HEG1: variants seen among roughly 807,000 people sequenced by gnomAD.
HEG1 encodes heart development protein with EGF like domains 1.
Under a neutral mutation model 125.6 loss-of-function variants are expected in HEG1, and 56 were observed. The ratio of observed to expected loss-of-function variants is 0.45; its 90% confidence interval spans 0.36 to 0.56. The LOEUF is 0.56. HEG1 is among the 20% of genes least tolerant of loss of function. HEG1 has a pLI of 0.00. For missense variants in HEG1, 1,523 were observed against 1,670.0 expected (o/e 0.91, Z 1.53); for synonymous variants, 644 against 668.5 (o/e 0.96, Z 0.57).
At position 125,013,751 on chromosome 3, in the gene HEG1, T is replaced by C. The variant is rs2107701032; in HGVS notation, c.1828A>G (p.Asn610Asp). The change falls in exon 6 of 17, where the codon AAC (asparagine) becomes GAC (aspartate). Residue 610 changes from asparagine (N) to aspartate (D), a missense_variant. Physicochemically the swap from Asn to Asp is conservative, Grantham distance 23. Transcript: ENST00000311127. ...TATTCCCCGTCATAGGATGAGATGT[T>C]ACTTCTCTCAGTCTGAGCATGAAAA... Reference protein sequence around the residue: ...SFFHAQTERSNISSYDGEYAQ... With the variant: ...SFFHAQTERSDISSYDGEYAQ... 2 of 1,613,960 alleles carry C rather than the reference T, an allele frequency of 1.2e-6. No individual in the cohort carries two copies. Among genetic ancestry groups the C allele is most frequent in the South Asian group, 2.2e-5 (2 of 91,078 alleles).
chr3:125,026,792 G>A (rs1053436947), intron 3 of HEG1, among the ~76,000 whole-genome samples: 1 of 152,054 alleles, frequency 6.6e-6, no homozygotes, highest in African/African-American at 2.4e-5. Context: ...CTGAGGTCAG[G>A]AGTTCAAGAC....
Position 125,002,312 on chromosome 3 carries a change from T to A in HEG1, c.3301A>T (p.Asn1101Tyr), listed in dbSNP as rs370824184. The change falls in exon 10 of 17, where the codon AAT becomes TAT. Residue 1101 changes from asparagine (N) to tyrosine (Y), a missense_variant. Physicochemically the swap from Asn to Tyr is moderately radical, Grantham distance 143. Coordinates refer to ENST00000311127, the MANE Select transcript of HEG1 (RefSeq NM_020733.2). Reference protein sequence around the residue: ...EVENEITKTLNMCFSALPSYI... With the variant: ...EVENEITKTLYMCFSALPSYI... ...CTAGGTAACGCTGAAAAACACATAT[T>A]TAACTGAAAGGAAGAACAAGCCTGT... The A allele has an allele frequency of 3.3e-5, 53 of 1,613,286 alleles. No homozygotes were observed. Among genetic ancestry groups the A allele is most frequent in the Non-Finnish European group, 4.3e-5 (51 of 1,179,562 alleles).
intron 2 of HEG1, among the ~76,000 whole-genome samples, chr3:125,028,719 T>C (rs1937453131): frequency 6.6e-6 from 1 of 152,188 alleles, no homozygotes; most frequent in African/African-American, 2.4e-5. Flanking sequence ...CCCTAATTAA[T>C]GCTAGTTTTC....
intron 14 of HEG1, among the ~76,000 whole-genome samples, chr3:124,987,952 C>CACACACCCACAT: frequency 1.8e-5 from 1 of 54,660 alleles, no homozygotes; most frequent in African/African-American, 4.8e-5. Flanking sequence ...CACACACACA[C>CACACACCCACAT]ATATATATAT....
At chr3:124,976,060 A>C (rs1266477491) in intron 15 of HEG1, among the ~76,000 whole-genome samples, 2 of 152,120 alleles carry the variant, frequency 1.3e-5, no homozygotes, top group Non-Finnish European at 2.9e-5. Flanking sequence ...TCCAATGGTA[A>C]CTCTGTCTTT....
At chr3:124,991,338 T>C (rs1161186840) in intron 12 of HEG1, among the ~76,000 whole-genome samples, 1 of 151,926 alleles carries the variant, frequency 6.6e-6, no homozygotes, top group Admixed American at 6.6e-5. Context: ...TTAGTAGAGA[T>C]GGGGTTTCAC....
At chr3:125,010,613 T>TTAGG (rs1163736296) in intron 6 of HEG1, 58 bp from the exon 7 acceptor site, 1 of 1,019,120 alleles carries the variant, frequency 9.8e-7, no homozygotes, top group Non-Finnish European at 1.5e-6. Context: ...AAAGGCAGCT[T>TTAGG]TAGGTAAATA....
intron 2 of HEG1, among the ~76,000 whole-genome samples, chr3:125,027,889 G>A (rs997025188): frequency 6.6e-6 from 1 of 152,194 alleles, no homozygotes; most frequent in African/African-American, 2.4e-5. Context: ...GAGGACCAGG[G>A]AATGTCATGT....
chr3:125,041,582 A>T (rs1203002922), intron 1 of HEG1, among the ~76,000 whole-genome samples: 1 of 152,244 alleles, frequency 6.6e-6, no homozygotes, highest in Non-Finnish European at 1.5e-5. Context: ...TTGATCCAGC[A>T]ATCCCACTTC....
rs1308033590 is a variant in HEG1 at position 124,973,912 on chromosome 3, G to A, written c.3822-7C>T. The A allele has an allele frequency of 1.9e-6, 3 of 1,595,936 alleles. No homozygotes were observed. The highest frequency in any genetic ancestry group is 2.6e-6 in the Non-Finnish European group (3 of 1,166,572). The stretch of plus-strand genomic sequence containing the variant: ...TATGTCATTTTTATTCTTTCTGTGG[G>A]ATACAAAAATATTTGTAAAGCTCAA... On this transcript the variant is annotated splice_polypyrimidine_tract_variant and splice_region_variant and intron_variant, in intron 15 of 16. Transcript: ENST00000311127.
intron 1 of HEG1, among the ~76,000 whole-genome samples, chr3:125,042,889 A>T (rs1215146363): frequency 6.6e-6 from 1 of 152,136 alleles, no homozygotes; most frequent in Non-Finnish European, 1.5e-5. Context: ...CAGCGAGGCC[A>T]CTCTGGGCTG....
chr3:124,993,924 G>A (rs1317122930), intron 12 of HEG1, among the ~76,000 whole-genome samples: 1 of 152,150 alleles, frequency 6.6e-6, no homozygotes, highest in Non-Finnish European at 1.5e-5. Context: ...CGCATCAGTG[G>A]TTGAGTGCTA....
Position 125,015,127 on chromosome 3 carries a change from G to A in HEG1, c.1589-1137C>T, listed in dbSNP as rs903195652. On this transcript the variant is annotated intron_variant, in intron 5 of 16. Coordinates refer to ENST00000311127, the MANE Select transcript of HEG1 (RefSeq NM_020733.2). ...CCAAGACGCTCCCCTGTACTTTTAG[G>A]GTCTTTATCTGAGATGTCTGTTGCC... 3 of 608,224 alleles carry A rather than the reference G, an allele frequency of 4.9e-6. No homozygotes were observed. In the Admixed American group the frequency reaches 1.1e-4, roughly 23 times the overall value. 37.7% of individuals were successfully genotyped at this position (608,224 alleles called of 1,614,324 possible). A position where few individuals can be genotyped will look rare whatever the true frequency, so the allele number is the denominator to read the frequency against.
At chr3:125,027,573 G>A (rs1937436486) in intron 2 of HEG1, 66 bp from the exon 3 acceptor site, 1 of 1,338,322 alleles carries the variant, frequency 7.5e-7, no homozygotes, top group East Asian at 2.3e-5. Context: ...TATGCTTTTA[G>A]GGGGCTCAGT....
At chr3:125,006,926 G>A (rs1043525247) in intron 8 of HEG1, among the ~76,000 whole-genome samples, 2 of 152,152 alleles carry the variant, frequency 1.3e-5, no homozygotes, top group African/African-American at 2.4e-5. Context: ...CAGGCCGGGC[G>A]CGGTGGCTCA....
chr3:125,003,498 G>C (rs933343829), intron 9 of HEG1, among the ~76,000 whole-genome samples: 24 of 152,200 alleles, frequency 1.6e-4, no homozygotes, highest in Admixed American at 1.4e-3. Context: ...GGGAAGTCAG[G>C]CCTTTGCTCT....
chr3:125,007,198 C>CAA (rs1212172102), intron 8 of HEG1, among the ~76,000 whole-genome samples: 1,024 of 52,936 alleles, frequency 0.019, 30 homozygotes, highest in African/African-American at 0.056. Flanking sequence ...GACTCCGTCT[C>CAA]AAAAAAAAAA....
chr3:125,024,579 C>T (rs949946656), intron 3 of HEG1, among the ~76,000 whole-genome samples: 10 of 152,172 alleles, frequency 6.6e-5, no homozygotes, highest in African/African-American at 2.2e-4. Flanking sequence ...GCAAGAAAAA[C>T]AATTTCCAAT....
chr3:124,967,536 AT>A lies in HEG1; in HGVS notation c.*3115del, dbSNP rs1390925711. ...AATAATATTAAGGTTCCTTAAAAAA[AT>A]AACTTATCTTTAAAGCCCTTTCTCT... On this transcript the variant is annotated 3_prime_UTR_variant, in exon 17 of 17. Coordinates refer to ENST00000311127, the MANE Select transcript of HEG1 (RefSeq NM_020733.2). 2.0e-5 allele frequency: 3 copies of A among 151,432 alleles called. No individual in the cohort carries two copies. Among genetic ancestry groups the A allele is most frequent in the African/African-American group, 7.3e-5 (3 of 41,212 alleles). The allele number at this position is 151,432 out of a possible 1,614,324, so 9.4% of individuals were successfully genotyped here. A position where few individuals can be genotyped will look rare whatever the true frequency, so the allele number is the denominator to read the frequency against.
Sources: allele counts gnomAD v4.1 joint callset (sites outside exome capture counted in the v4.1 genomes callset), GRCh38; gene constraint gnomAD v4.1.1; transcripts MANE v1.5; gene names NCBI Gene and HGNC (gene_info 2026-07-23, HGNC 2026-07-21).